Variants in GCN1 observed in about 807,000 individuals in gnomAD.
GCN1 encodes stalled ribosome sensor GCN1.
Under a neutral mutation model 288.4 loss-of-function variants are expected in GCN1, and 90 were observed. That is an observed-to-expected ratio of 0.31 (90% CI 0.26 to 0.37). The LOEUF (loss-of-function observed/expected upper bound fraction) is 0.37, where lower values mean the gene tolerates loss of function less well. Ranked by LOEUF, GCN1 falls within the 10% of genes least tolerant of loss-of-function variation. The pLI, the probability that GCN1 is intolerant of heterozygous loss-of-function variation, is 1.00. For synonymous variants in GCN1, 1,386 were observed against 1,420.2 expected (o/e 0.98, Z 0.54); for missense variants, 2,586 against 3,419.9 (o/e 0.76, Z 6.08).
At chr12:120,194,594 A>T in intron 1 of GCN1, 86 bp downstream of exon 1, 5 of 1,250,084 alleles carry the variant, frequency 4.0e-6, no homozygotes, top group Non-Finnish European at 5.5e-6. Context: ...AACGCCCCTA[A>T]GCCGAGGAGC....
At chr12:120,194,598 G>A in intron 1 of GCN1, 82 bp downstream of exon 1, 2 of 1,280,900 alleles carry the variant, frequency 1.6e-6, no homozygotes, top group Non-Finnish European at 2.2e-6. Flanking sequence ...CCCCTAAGCC[G>A]AGGAGCGAGA....
chr12:120,132,689 A>G (rs1159602346), intron 53 of GCN1, among the ~76,000 whole-genome samples: 14 of 152,218 alleles, frequency 9.2e-5, no homozygotes, highest in Admixed American at 9.2e-4. Flanking sequence ...CTGGCCAGCT[A>G]ACTATGGAAT....
chr12:120,178,377 G>A (rs533227005), intron 7 of GCN1, among the ~76,000 whole-genome samples: 6 of 151,848 alleles, frequency 4.0e-5, no homozygotes, highest in South Asian at 2.1e-4. Flanking sequence ...ACTAAATTGG[G>A]ATGAATAAGT....
intron 53 of GCN1, among the ~76,000 whole-genome samples, chr12:120,133,168 AGTGT>A (rs1253720924): frequency 1.3e-5 from 2 of 152,096 alleles, no homozygotes; most frequent in Non-Finnish European, 2.9e-5. Flanking sequence ...TGCAGCAGCA[AGTGT>A]GTGTGTTGCA....
intron 14 of GCN1, among the ~76,000 whole-genome samples, chr12:120,173,195 T>C (rs1249177876): frequency 6.6e-6 from 1 of 152,060 alleles, no homozygotes; most frequent in Non-Finnish European, 1.5e-5. Context: ...TAGCTGAGAT[T>C]ACAGGTGCCC....
chr12:120,179,397 ATTTT>A (rs1224651602), intron 5 of GCN1, among the ~76,000 whole-genome samples: 2 of 127,180 alleles, frequency 1.6e-5, no homozygotes, highest in African/African-American at 3.0e-5. Context: ...TGCCCAGCTA[ATTTT>A]TTTTTTTTTT....
chr12:120,162,384 G>A (rs1387809425), intron 20 of GCN1: 2 of 393,740 alleles, frequency 5.1e-6, no homozygotes, highest in Non-Finnish European at 9.3e-6. Context: ...GATGAGCATG[G>A]CACCCAAGTC....
At chr12:120,187,536 T>G (rs1347384732) in intron 2 of GCN1, among the ~76,000 whole-genome samples, 2 of 151,918 alleles carry the variant, frequency 1.3e-5, no homozygotes, top group Non-Finnish European at 2.9e-5. Flanking sequence ...TTTTCAAACT[T>G]TAGTAAACAT....
chr12:120,149,872 ACATCT>A (rs758300521), intron 35 of GCN1, 45 bp downstream of exon 35: 1 of 1,610,568 alleles, frequency 6.2e-7, no homozygotes, highest in Admixed American at 1.7e-5. Context: ...AGCTGGGAAC[ACATCT>A]CATAAAGTTT....
In GCN1 at chr12:120,161,746, G is replaced by T. The variant is rs368545448; in HGVS notation, c.2342+134C>A. The T allele has an allele frequency of 1.1e-5, 11 of 974,862 alleles. No individual in the cohort carries two copies. The African/African-American group carries it at 1.4e-4, about 13-fold the overall frequency. 60.4% of individuals were successfully genotyped at this position (974,862 alleles called of 1,614,324 possible). On this transcript the variant is annotated intron_variant, in intron 21 of 57. Transcript: ENST00000300648. ...CCCAGGACCTAAGCACCGTGCCGGG[G>T]ACACAACAGGCGCTTAGCCAATGAA... is the stretch of plus-strand genomic sequence containing the variant.
intron 16 of GCN1, among the ~76,000 whole-genome samples, chr12:120,167,530 A>C (rs555700472): frequency 1.5e-4 from 23 of 152,302 alleles, no homozygotes; most frequent in African/African-American, 4.6e-4. Flanking sequence ...GCTACAGAAG[A>C]AGCTAATAAA....
In GCN1 at chr12:120,127,658, G is replaced by A; in HGVS notation, c.*191C>T. 2 of 648,770 alleles carry A rather than the reference G, an allele frequency of 3.1e-6. No homozygotes were observed. The highest frequency in any genetic ancestry group is 1.8e-5 in the South Asian group (1 of 54,178). 40.2% of individuals were successfully genotyped at this position (648,770 alleles called of 1,614,324 possible). A position where few individuals can be genotyped will look rare whatever the true frequency, so the allele number is the denominator to read the frequency against. Reference sequence around the variant, plus strand: ...TTTCCTTCTCTTCTCCACAGGAAAAGGTGAGAGATGGAGGAGGCAATTTTC... The same window carrying A: ...TTTCCTTCTCTTCTCCACAGGAAAAAGTGAGAGATGGAGGAGGCAATTTTC... On this transcript the variant is annotated 3_prime_UTR_variant, in exon 58 of 58. Transcript: ENST00000300648.
intron 54 of GCN1, 71 bp downstream of exon 54, chr12:120,131,855 A>T: frequency 1.1e-6 from 1 of 889,100 alleles, no homozygotes; most frequent in Non-Finnish European, 1.8e-6. Flanking sequence ...GGAGGGAGGG[A>T]GATGCCCGTC....
At position 120,127,926 on chromosome 12, in the gene GCN1, C is replaced by T; in HGVS notation, c.7939G>A (p.Val2647Ile). The change falls in exon 58 of 58, where the codon GTT becomes ATT. Residue 2647 changes from valine (V) to isoleucine (I), a missense_variant. By Grantham distance (29) the Val-to-Ile change is conservative. Around this residue, in one of 8 missense-constraint regions of GCN1, gnomAD observed 355 missense variants for 431.1 expected, o/e 0.82. Coordinates refer to ENST00000300648, the MANE Select transcript of GCN1 (RefSeq NM_006836.2). ...DVASLEVLNE[V>I]NRRSLKKLAS... ...AGCTTCTTCAGGGACCTTCGGTTAA[C>T]CTCGTTCAGCACCTCCAAACTGGCC... The T allele has an allele frequency of 6.2e-7, 1 of 1,614,120 alleles. No homozygotes were observed. Among genetic ancestry groups the T allele is most frequent in the African/African-American group, 1.3e-5 (1 of 75,034 alleles).
Position 120,142,731 on chromosome 12 carries a change from A to T in GCN1, c.5614-9T>A. 1 of 1,613,706 alleles carries T rather than the reference A, an allele frequency of 6.2e-7. No individual in the cohort carries two copies. The highest frequency in any genetic ancestry group is 8.5e-7 in the Non-Finnish European group (1 of 1,179,612). On this transcript the variant is annotated splice_polypyrimidine_tract_variant and intron_variant, in intron 43 of 57. Transcript: ENST00000300648. This position sits in a 1 kb window ranked among gnomAD's most constrained non-coding sequence, Gnocchi z 4.9. The stretch of plus-strand genomic sequence containing the variant: ...AGGGCAGTGATGATCGCCTGCAGCC[A>T]GTAGAAGGGGACAGAGAGTAGTGAA...
intron 1 of GCN1, among the ~76,000 whole-genome samples, chr12:120,193,933 G>A (rs1879086858): frequency 6.6e-6 from 1 of 152,172 alleles, no homozygotes; most frequent in South Asian, 2.1e-4. Context: ...TTCTTCCCCT[G>A]CCTCATGACA....
Position 120,140,985 on chromosome 12 carries a change from T to A in GCN1, c.5868A>T (p.Leu1956Phe). ...TGATCTCGGGGAGGATTTTCTCCCC[T>A]AACTTCCGCACAAGATCTCCCAATG... ...ARTLGDLVRKLGEKILPEIIP... is the reference protein window; with the variant it reads ...ARTLGDLVRKFGEKILPEIIP... Residue 1956 changes from leucine (L) to phenylalanine (F), a missense_variant, in exon 45 of 58, where the codon TTA becomes TTT. Physicochemically the swap from Leu to Phe is conservative, Grantham distance 22. Around this residue, in one of 8 missense-constraint regions of GCN1, gnomAD observed 437 missense variants for 570.5 expected, o/e 0.77. Coordinates refer to ENST00000300648, the MANE Select transcript of GCN1 (RefSeq NM_006836.2). The A allele has an allele frequency of 3.7e-6, 6 of 1,613,790 alleles. No homozygotes were observed. The highest frequency in any genetic ancestry group is 5.1e-6 in the Non-Finnish European group (6 of 1,179,818).
rs1240989060 is a variant in GCN1 at position 120,171,466 on chromosome 12, CA to C, written c.1367-1146del. On this transcript the variant is annotated intron_variant, in intron 14 of 57. Transcript: ENST00000300648. ...TGGGTGACAGAGAGAAACTCCATCT[CA>C]AAAAAAAAACTATAGCTCAAGCACA... Among the ~76,000 whole-genome samples, 11 of 148,004 alleles carry C rather than the reference CA, an allele frequency of 7.4e-5. No homozygotes were observed. In the South Asian group the frequency reaches 2.1e-3, roughly 29 times the overall value.
intron 16 of GCN1, among the ~76,000 whole-genome samples, chr12:120,166,703 C>CA (rs542271508): frequency 8.2e-3 from 559 of 68,110 alleles, no homozygotes; most frequent in Middle Eastern, 0.07. Flanking sequence ...GACTCTGTCT[C>CA]AAAAAAAAAA....
Sources: gnomAD v4.1 joint callset for allele counts (sites outside exome capture counted in the v4.1 genomes callset) on GRCh38, gnomAD v4.1.1 for gene constraint, gnomAD v4.1.1 regional missense constraint, Gnocchi (gnomAD v3.1) non-coding constraint, MANE v1.5 for transcripts, NCBI Gene and HGNC (gene_info 2026-07-23, HGNC 2026-07-21) for gene names.